The following REXO1 variants were observed in gnomAD, a reference collection of about 807,000 sequenced individuals.
The protein encoded by REXO1 is RNA exonuclease 1 homolog.
Under a neutral mutation model 102.6 loss-of-function variants are expected in REXO1, and 42 were observed. The observed-to-expected ratio is 0.41, with a 90% CI of 0.32 to 0.53. REXO1 has a LOEUF of 0.53. Among genes scored for constraint, REXO1 ranks in the 20% least tolerant of loss-of-function variants. The pLI, the probability that REXO1 is intolerant of heterozygous loss-of-function variation, is 0.27. For missense variants in REXO1, 1,819 were observed against 1,732.5 expected, an observed-to-expected ratio of 1.05 and a Z score of -0.89; for synonymous variants, 908 against 779.1, an observed-to-expected ratio of 1.17 and a Z score of -2.76.
At position 1,848,233 on chromosome 19, in the gene REXO1, G is replaced by A; in HGVS notation, c.126C>T (p.Pro42=). 8.1e-7 allele frequency: 1 copy of A among 1,228,038 alleles called. No individual in the cohort carries two copies. The highest frequency in any genetic ancestry group is 1.6e-5 in the African/African-American group (1 of 63,838). 76.1% of individuals were successfully genotyped at this position (1,228,038 alleles called of 1,614,324 possible). ...RHRGARGSGA[P]GDGGEAPPAA... is the part of the protein sequence containing the mutation. The stretch of plus-strand genomic sequence containing the variant: ...CGGGGGGCGCCTCTCCGCCGTCACC[G>A]GGCGCGCCGGAGCCCCGGGCCCCGC... The change falls in exon 1 of 16, where the codon CCC becomes CCT. Residue 42 remains proline (P), a synonymous_variant. Coordinates refer to ENST00000170168, the MANE Select transcript of REXO1 (RefSeq NM_020695.4).
Position 1,816,463 on chromosome 19 carries a change from G to T in REXO1, c.3424C>A (p.His1142Asn), listed in dbSNP as rs769164157. Reference sequence around the variant, plus strand: ...GCCAGGAGGTCGCTCTCCAGGCTGTGTCCGATGAGGATGGTGTCAGCGCTG... The same window carrying T: ...GCCAGGAGGTCGCTCTCCAGGCTGTTTCCGATGAGGATGGTGTCAGCGCTG... ...MFSADTILIG[H>N]SLESDLLALK... The change falls in exon 14 of 16, where the codon CAC (histidine) becomes AAC (asparagine). Residue 1142 changes from histidine to asparagine, a missense_variant. Physicochemically the swap from His to Asn is moderately conservative, Grantham distance 68. Coordinates refer to ENST00000170168, the MANE Select transcript of REXO1 (RefSeq NM_020695.4). The T allele has an allele frequency of 6.2e-7, 1 of 1,612,446 alleles. No homozygotes were observed.
rs140613923 is a variant in REXO1, at chr19:1,816,707, T to C, written c.3308A>G (p.Tyr1103Cys). Residue 1103 changes from tyrosine (Y) to cysteine (C), a missense_variant, in exon 13 of 16, where the codon TAC becomes TGC. Coordinates refer to ENST00000170168, the MANE Select transcript of REXO1 (RefSeq NM_020695.4). ...AGGGCACTGGCCACACCTGGTGTTGTAGTCCACGATCTCGTTGTCAGGCTT... is the reference window on the plus strand; with the variant it reads ...AGGGCACTGGCCACACCTGGTGTTGCAGTCCACGATCTCGTTGTCAGGCTT... ...FVKPDNEIVD[Y>C]NTRFSGVTEA... 113 of 1,612,214 alleles carry C rather than the reference T, an allele frequency of 7.0e-5. No individual in the cohort carries two copies. The African/African-American group carries it at 1.4e-3, about 21-fold the overall frequency.
rs2069739512 is a variant in REXO1 at position 1,826,859 on chromosome 19, C to T, written c.1911+19G>A. 1.3e-6 allele frequency: 2 copies of T among 1,561,190 alleles called. No individual in the cohort carries two copies. The highest frequency in any genetic ancestry group is 1.9e-5 in the Admixed American group (1 of 52,252). ...CTCTGCCTCTGCCCGAGCCCAGCCCCAGCACCCGCGCGCCTCACCTGCCGG... is the reference window on the plus strand; with the variant it reads ...CTCTGCCTCTGCCCGAGCCCAGCCCTAGCACCCGCGCGCCTCACCTGCCGG... On this transcript the variant is annotated intron_variant, in intron 2 of 15. Coordinates refer to ENST00000170168, the MANE Select transcript of REXO1 (RefSeq NM_020695.4). The surrounding 1 kb of genome is among the most constrained non-coding windows in gnomAD (Gnocchi z 4.3).
In REXO1 at chr19:1,819,096, C is replaced by A. The variant is rs760910158; in HGVS notation, c.2686G>T (p.Val896Leu). Residue 896 changes from valine (V) to leucine (L), a missense_variant, in exon 8 of 16, where the codon GTG (valine) becomes TTG (leucine). Physicochemically the swap from Val to Leu is conservative, Grantham distance 32 (BLOSUM62 1). Transcript: ENST00000170168. ...SGRRVVSHEVVLGGRLAAKTS... is the reference protein window; with the variant it reads ...SGRRVVSHEVLLGGRLAAKTS... ...TTGGCGGCCAACCTGCCCCCCAACACCACCTCGTGGGACACAACCCTGCGG... is the reference window on the plus strand; with the variant it reads ...TTGGCGGCCAACCTGCCCCCCAACAACACCTCGTGGGACACAACCCTGCGG... 6 of 1,596,888 alleles carry A rather than the reference C, an allele frequency of 3.8e-6. No individual in the cohort carries two copies. The highest frequency in any genetic ancestry group is 1.3e-5 in the African/African-American group (1 of 74,404).
In REXO1 at chr19:1,826,988, C is replaced by A; in HGVS notation, c.1801G>T (p.Ala601Ser). 6.4e-7 allele frequency: 1 copy of A among 1,561,440 alleles called. No homozygotes were observed. Among genetic ancestry groups the A allele is most frequent in the Non-Finnish European group, 8.7e-7 (1 of 1,153,844 alleles). Reference protein sequence around the residue: ...SSAGADVDYSALEKEVDFDSD... With the variant: ...SSAGADVDYSSLEKEVDFDSD... The stretch of plus-strand genomic sequence containing the variant: ...TCAAAGTCCACCTCCTTCTCCAGGG[C>A]CGAGTAGTCCACATCCGCCCCCGCG... The change falls in exon 2 of 16, where the codon GCC becomes TCC. Residue 601 changes from alanine to serine, a missense_variant. By Grantham distance (99) the Ala-to-Ser change is moderately conservative (BLOSUM62 1). Coordinates refer to ENST00000170168, the MANE Select transcript of REXO1 (RefSeq NM_020695.4). The surrounding 1 kb of genome is among the most constrained non-coding windows in gnomAD (Gnocchi z 4.3).
intron 1 of REXO1, among the ~76,000 whole-genome samples, chr19:1,847,837 C>G (rs961983517): frequency 2.6e-5 from 4 of 152,154 alleles, no homozygotes; most frequent in African/African-American, 9.7e-5. Context: ...GCGGCGGGCG[C>G]CAATCAGGGG....
At chr19:1,837,184 G>T (rs980516279) in intron 1 of REXO1, among the ~76,000 whole-genome samples, 1 of 152,228 alleles carries the variant, frequency 6.6e-6, no homozygotes, top group Admixed American at 6.5e-5. Flanking sequence ...CCTCTGGGAA[G>T]AGGGGTCTGG....
intron 4 of REXO1, 180 bp downstream of exon 4, chr19:1,823,392 G>A (rs2069607952): frequency 4.8e-6 from 2 of 414,618 alleles, no homozygotes. Context: ...CAGGCCTCCT[G>A]CACCCCTCAA....
chr19:1,842,754 CCTGG>C (rs2011346710), intron 1 of REXO1, among the ~76,000 whole-genome samples: 1 of 152,248 alleles, frequency 6.6e-6, no homozygotes, highest in Non-Finnish European at 1.5e-5. Flanking sequence ...CGGCAAGCGG[CCTGG>C]TGCCGGACTC....
chr19:1,815,465 G>A lies in REXO1; in HGVS notation c.*601C>T, dbSNP rs959951222. 8 of 177,990 alleles carry A rather than the reference G, an allele frequency of 4.5e-5. No individual in the cohort carries two copies. The highest frequency in any genetic ancestry group is 2.3e-5 in the Non-Finnish European group (2 of 85,290). The allele number at this position is 177,990 out of a possible 1,614,324, so 11.0% of individuals were successfully genotyped here. On this transcript the variant is annotated 3_prime_UTR_variant, in exon 16 of 16. Coordinates refer to ENST00000170168, the MANE Select transcript of REXO1 (RefSeq NM_020695.4). The surrounding 1 kb of genome is among the most constrained non-coding windows in gnomAD (Gnocchi z 4.0). ...GGGGCGGCGAGTGGTGGAAGCCGGC[G>A]CCCCCGAAGACCGGCCAGCCCCTGG... is the stretch of plus-strand genomic sequence containing the variant.
intron 1 of REXO1, among the ~76,000 whole-genome samples, chr19:1,829,116 G>A (rs2069834895): frequency 1.3e-5 from 2 of 152,374 alleles, no homozygotes; most frequent in Non-Finnish European, 2.9e-5. Flanking sequence ...TGTGCCCGCG[G>A]TGTGGCGGAG....
intron 3 of REXO1, chr19:1,824,208 G>A (rs1363703493): frequency 6.2e-6 from 1 of 162,086 alleles, no homozygotes; most frequent in Non-Finnish European, 1.3e-5. Context: ...ACCTCGCCAC[G>A]TCTGCACAGG....
At chr19:1,843,163 G>A (rs969482140) in intron 1 of REXO1, among the ~76,000 whole-genome samples, 8 of 151,750 alleles carry the variant, frequency 5.3e-5, no homozygotes, top group African/African-American at 1.9e-4. Flanking sequence ...CAGCTCCCCG[G>A]GCCCAGAGCC....
intron 1 of REXO1, among the ~76,000 whole-genome samples, chr19:1,846,005 G>A (rs544185122): frequency 2.8e-4 from 42 of 152,288 alleles, no homozygotes; most frequent in Admixed American, 9.8e-4. Context: ...ACCATGCAGC[G>A]CGTGTCCAGC....
Position 1,848,230 on chromosome 19 carries a change from ACCGGGCGCGCCGGAGCC to A in REXO1, c.112_128del (p.Gly38Ter). On this transcript the variant is annotated frameshift_variant, in exon 1 of 16. Transcript: ENST00000170168. LOFTEE classifies it high-confidence loss of function. ...CTGCGGGGGGCGCCTCTCCGCCGTC[ACCGGGCGCGCCGGAGCC>A]CCGGGCCCCGCGGTGCCGGAAGTGG... The A allele has an allele frequency of 8.1e-7, 1 of 1,227,522 alleles. No homozygotes were observed. The highest frequency in any genetic ancestry group is 1.0e-6 in the Non-Finnish European group (1 of 981,978). The allele number at this position is 1,227,522 out of a possible 1,614,324, so 76.0% of individuals were successfully genotyped here.
Position 1,827,767 on chromosome 19 carries a change from G to T in REXO1, c.1022C>A (p.Ala341Asp). The T allele has an allele frequency of 6.3e-7, 1 of 1,581,158 alleles. No homozygotes were observed. Residue 341 changes from alanine to aspartate, a missense_variant, in exon 2 of 16, where the codon GCC (alanine) becomes GAC (aspartate). Physicochemically the swap from Ala to Asp is moderately radical, Grantham distance 126. Coordinates refer to ENST00000170168, the MANE Select transcript of REXO1 (RefSeq NM_020695.4). ...GGGLRETKETAVQCDVGDLQP... is the reference protein window; with the variant it reads ...GGGLRETKETDVQCDVGDLQP... ...GAGGTCCCCCACGTCGCACTGCACG[G>T]CCGTCTCCTTGGTCTCCCGCAGGCC...
intron 1 of REXO1, among the ~76,000 whole-genome samples, chr19:1,838,664 C>CA (rs11433403): frequency 0.43 from 54,973 of 126,900 alleles, 12,081 homozygotes; most frequent in Non-Finnish European, 0.55. Context: ...GACTCCTTTT[C>CA]AAAAAAAAAA....
chr19:1,847,980 C>T (rs1338927806), intron 1 of REXO1, among the ~76,000 whole-genome samples: 2 of 152,256 alleles, frequency 1.3e-5, no homozygotes, highest in Non-Finnish European at 2.9e-5. Flanking sequence ...ACGCGTCCTC[C>T]TAGTTGACAT....
intron 5 of REXO1, among the ~76,000 whole-genome samples, chr19:1,820,769 G>T (rs567785709): frequency 6.6e-6 from 1 of 151,866 alleles, no homozygotes; most frequent in South Asian, 2.1e-4. Flanking sequence ...GAGGCAGGAG[G>T]ATCACTTGAG....
Sources: allele counts gnomAD v4.1 joint callset (sites outside exome capture counted in the v4.1 genomes callset), GRCh38; gene constraint gnomAD v4.1.1; non-coding constraint Gnocchi (gnomAD v3.1); transcripts MANE v1.5; gene names NCBI Gene and HGNC (gene_info 2026-07-23, HGNC 2026-07-21).